SNX1: variants seen among roughly 807,000 people sequenced by gnomAD.
SNX1 encodes the protein sorting nexin-1.
Under a neutral mutation model 71.8 loss-of-function variants are expected in SNX1, and 36 were observed. That is an observed-to-expected ratio of 0.50 (90% CI 0.38 to 0.66). The LOEUF is 0.66. Ranked by LOEUF, SNX1 falls within the 30% of genes least tolerant of loss-of-function variation. The pLI is 0.00. For synonymous variants in SNX1, 254 were observed against 240.7 expected, an observed-to-expected ratio of 1.06 and a Z score of -0.51; for missense variants, 612 against 646.7, an observed-to-expected ratio of 0.95 and a Z score of 0.58.
chr15:64,129,724 T>C lies in SNX1; in HGVS notation c.808-192T>C. On this transcript the variant is annotated intron_variant, in intron 8 of 14. Transcript: ENST00000559844. The surrounding 1 kb of genome is among the most constrained non-coding windows in gnomAD (Gnocchi z 4.4). The stretch of plus-strand genomic sequence containing the variant: ...AAAGCTGAAAATGTTGCTGATTCTT[T>C]TTAACATGGTTCTTTGATTTTTCTG... 3.6e-6 allele frequency: 2 copies of C among 562,064 alleles called. No homozygotes were observed. Among genetic ancestry groups the C allele is most frequent in the Non-Finnish European group, 3.2e-6 (1 of 315,198 alleles). The allele number at this position is 562,064 out of a possible 1,614,324, so 34.8% of individuals were successfully genotyped here.
chr15:64,096,568 T>G (rs2080903563), intron 1 of SNX1, among the ~76,000 whole-genome samples: 1 of 152,228 alleles, frequency 6.6e-6, no homozygotes, highest in Non-Finnish European at 1.5e-5. Flanking sequence ...GCTTCTAAGA[T>G]GAATAGCGTT....
At position 64,131,557 on chromosome 15, in the gene SNX1, G is replaced by A. The variant is rs1343343458; in HGVS notation, c.1016-130G>A. ...ACAGTTAACTGTGGTGTAAGTGACTGGGTTGCAGAGCCCTCAGTTCCCAGA... is the reference window on the plus strand; with the variant it reads ...ACAGTTAACTGTGGTGTAAGTGACTAGGTTGCAGAGCCCTCAGTTCCCAGA... On this transcript the variant is annotated intron_variant, in intron 10 of 14. Coordinates refer to ENST00000559844, the MANE Select transcript of SNX1 (RefSeq NM_003099.5). The A allele has an allele frequency of 6.6e-6, 5 of 757,874 alleles. No homozygotes were observed. The East Asian group carries it at 1.3e-4, about 20-fold the overall frequency. 46.9% of individuals were successfully genotyped at this position (757,874 alleles called of 1,614,324 possible). A position where few individuals can be genotyped will look rare whatever the true frequency, so the allele number is the denominator to read the frequency against.
intron 1 of SNX1, among the ~76,000 whole-genome samples, chr15:64,097,565 T>A (rs569485871): frequency 6.6e-6 from 1 of 152,192 alleles, no homozygotes; most frequent in Non-Finnish European, 1.5e-5. Context: ...GACCCTATTC[T>A]CCTGCCTCAG....
Position 64,136,950 on chromosome 15 carries a change from G to T in SNX1, c.1518+18G>T. 1 of 1,607,880 alleles carries T rather than the reference G, an allele frequency of 6.2e-7. No individual in the cohort carries two copies. Among genetic ancestry groups the T allele is most frequent in the Non-Finnish European group, 8.5e-7 (1 of 1,174,666 alleles). Reference sequence around the variant, plus strand: ...AGCAGCAGGTATGTAAGTTGTGTGTGACCTTCATCCTCTACTGCCTGCTCC... The same window carrying T: ...AGCAGCAGGTATGTAAGTTGTGTGTTACCTTCATCCTCTACTGCCTGCTCC... On this transcript the variant is annotated intron_variant, in intron 14 of 14. Transcript: ENST00000559844.
At chr15:64,110,402 T>G (rs2081066998) in intron 1 of SNX1, among the ~76,000 whole-genome samples, 2 of 152,012 alleles carry the variant, frequency 1.3e-5, no homozygotes, top group Admixed American at 6.6e-5. Flanking sequence ...CAGTTTGGGT[T>G]TGTTTTGTTT....
chr15:64,131,598 A>C (rs2081307598), intron 10 of SNX1, 89 bp from the exon 11 acceptor site: 1 of 1,285,640 alleles, frequency 7.8e-7, no homozygotes, highest in Admixed American at 1.9e-5. Flanking sequence ...AGTGGGCGGC[A>C]TTGCTAAGAC....
intron 5 of SNX1, 131 bp from the exon 6 acceptor site, chr15:64,125,948 G>C: frequency 3.2e-6 from 3 of 942,220 alleles, no homozygotes; most frequent in Non-Finnish European, 5.0e-6. Flanking sequence ...CTGCCTTGGA[G>C]AAAGTTATTT....
At chr15:64,117,322 T>G (rs1011336378) in intron 2 of SNX1, among the ~76,000 whole-genome samples, 3 of 152,148 alleles carry the variant, frequency 2.0e-5, no homozygotes, top group African/African-American at 4.8e-5. Context: ...TGGCGCGATC[T>G]CGGCTCACTG....
At chr15:64,101,814 A>T (rs1377426769) in intron 1 of SNX1, among the ~76,000 whole-genome samples, 1 of 152,200 alleles carries the variant, frequency 6.6e-6, no homozygotes, top group Non-Finnish European at 1.5e-5. Flanking sequence ...GAGCTCTCTT[A>T]TTCTGCAGCC....
In SNX1 at chr15:64,138,180, C is replaced by G. The variant is rs1248504941; in HGVS notation, c.*562C>G. 5 of 1,535,138 alleles carry G rather than the reference C, an allele frequency of 3.3e-6. No individual in the cohort carries two copies. The African/African-American group carries it at 4.1e-5, about 13-fold the overall frequency. ...ATGGGGTTTCTTTCTCTCCGCCTAC[C>G]TCAGCTACCTGTTCTGAGGGTCTCA... is the stretch of plus-strand genomic sequence containing the variant. On this transcript the variant is annotated 3_prime_UTR_variant, in exon 15 of 15. Coordinates refer to ENST00000559844, the MANE Select transcript of SNX1 (RefSeq NM_003099.5).
At chr15:64,116,822 A>G (rs1459142271) in intron 2 of SNX1, among the ~76,000 whole-genome samples, 1 of 152,238 alleles carries the variant, frequency 6.6e-6, no homozygotes, top group Non-Finnish European at 1.5e-5. Context: ...TAGAAATGGT[A>G]CATAATGCTA....
At chr15:64,127,348 T>C (rs1483273610) in intron 7 of SNX1, 96 bp downstream of exon 7, 8 of 940,884 alleles carry the variant, frequency 8.5e-6, no homozygotes, top group Non-Finnish European at 1.3e-5. Flanking sequence ...GAGTTAGAGA[T>C]GAAACGTGAA....
At chr15:64,108,084 T>C (rs1321195314) in intron 1 of SNX1, among the ~76,000 whole-genome samples, 3 of 151,802 alleles carry the variant, frequency 2.0e-5, no homozygotes, top group Non-Finnish European at 4.4e-5. Context: ...TCCCAGCTAC[T>C]TGGGAGGCTG....
chr15:64,129,001 C>T lies in SNX1; in HGVS notation c.808-915C>T, dbSNP rs60822615. On this transcript the variant is annotated intron_variant, in intron 8 of 14. Coordinates refer to ENST00000559844, the MANE Select transcript of SNX1 (RefSeq NM_003099.5). The surrounding 1 kb of genome is among the most constrained non-coding windows in gnomAD (Gnocchi z 4.4). Reference sequence around the variant, plus strand: ...GTGGCTCTTGGCTGTAATTCCAGCACTTTGGGAGGCTGAGGCAGGAGGATC... The same window carrying T: ...GTGGCTCTTGGCTGTAATTCCAGCATTTTGGGAGGCTGAGGCAGGAGGATC... 0.074 allele frequency among the ~76,000 whole-genome samples: 11,307 copies of T among 152,214 alleles called. 1,314 individuals carry two copies. Among genetic ancestry groups the T allele is most frequent in the African/African-American group, 0.25 (10,353 of 41,486 alleles).
chr15:64,127,103 C>CT, intron 6 of SNX1, 71 bp from the exon 7 acceptor site: 1 of 1,237,734 alleles, frequency 8.1e-7, no homozygotes, highest in Non-Finnish European at 1.2e-6. Context: ...CCTGTTGACA[C>CT]TTAAAAAAAA....
At chr15:64,102,662 C>T (rs117548264) in intron 1 of SNX1, among the ~76,000 whole-genome samples, 6,908 of 151,670 alleles carry the variant, frequency 0.046, 195 homozygotes, top group South Asian at 0.085. Flanking sequence ...TTTCACTTAA[C>T]GTAATGACCT....
In SNX1 at chr15:64,137,671, T is replaced by C. The variant is rs2081373233; in HGVS notation, c.*53T>C. ...TGTGACGCTGCCTTTTTATACACTG[T>C]CCTCCTCCACCTTGATGGACCCCTA... On this transcript the variant is annotated 3_prime_UTR_variant, in exon 15 of 15. Transcript: ENST00000559844. 14 of 1,612,754 alleles carry C rather than the reference T, an allele frequency of 8.7e-6. No individual in the cohort carries two copies. Among genetic ancestry groups the C allele is most frequent in the African/African-American group, 2.7e-5 (2 of 74,896 alleles).
At chr15:64,123,267 C>G (rs567688897) in intron 4 of SNX1, among the ~76,000 whole-genome samples, 17 of 152,334 alleles carry the variant, frequency 1.1e-4, no homozygotes, top group Middle Eastern at 3.4e-3. Context: ...GGCTGACTCT[C>G]TTGTGTAACT....
chr15:64,136,365 C>G lies in SNX1; in HGVS notation c.1401C>G (p.Phe467Leu), dbSNP rs76908230. 1.2e-6 allele frequency: 2 copies of G among 1,614,006 alleles called. No homozygotes were observed. The highest frequency in any genetic ancestry group is 1.7e-6 in the Non-Finnish European group (2 of 1,179,932). Residue 467 changes from phenylalanine (F) to leucine (L), a missense_variant, in exon 13 of 15, where the codon TTC becomes TTG. Phe to Leu is a conservative substitution (Grantham distance 22). This residue lies in a region of SNX1 where 296 missense variants were observed against 361.9 expected (regional missense o/e 0.82). Coordinates refer to ENST00000559844, the MANE Select transcript of SNX1 (RefSeq NM_003099.5). The stretch of plus-strand genomic sequence containing the variant: ...GGGTGACTCAATATGAAAGGGACTT[C>G]GAGAGGATTTCAACAGTGGTCCGAA... The part of the protein sequence containing the change: ...ESRVTQYERD[F>L]ERISTVVRKE...
Sources: gnomAD v4.1 joint callset for allele counts (sites outside exome capture counted in the v4.1 genomes callset) on GRCh38, gnomAD v4.1.1 for gene constraint, gnomAD v4.1.1 regional missense constraint, Gnocchi (gnomAD v3.1) non-coding constraint, MANE v1.5 for transcripts, NCBI Gene and HGNC (gene_info 2026-07-23, HGNC 2026-07-21) for gene names.